The following COMMD10 variants were observed in gnomAD, a reference collection of about 807,000 sequenced individuals.
The protein encoded by COMMD10 is COMM domain containing 10, also known as COMM domain-containing protein 10.
COMMD10 carries 33 observed loss-of-function variants against 28.9 expected under a neutral mutation model. The ratio of observed to expected loss-of-function variants is 1.14; its 90% confidence interval spans 0.87 to 1.53. The LOEUF (loss-of-function observed/expected upper bound fraction) is 1.53. Among genes scored for constraint, COMMD10 ranks in the 40% most tolerant of loss-of-function variants. The probability of loss-of-function intolerance (pLI) is 0.00; values close to 1 mark genes in which losing one functional copy is unlikely to be tolerated. For missense variants in COMMD10, 310 were observed against 233.4 expected (o/e 1.33, Z -2.14); for synonymous variants, 110 against 81.7 (o/e 1.35, Z -1.87).
chr5:116,208,992 T>C (rs1205791238), intron 5 of COMMD10, among the ~76,000 whole-genome samples: 3 of 152,154 alleles, frequency 2.0e-5, no homozygotes, highest in African/African-American at 7.2e-5. Flanking sequence ...TTACTTTTGT[T>C]TTTTATTTGC....
intron 5 of COMMD10, among the ~76,000 whole-genome samples, chr5:116,263,844 A>G (rs1750514654): frequency 1.3e-5 from 2 of 151,698 alleles, no homozygotes; most frequent in Admixed American, 6.6e-5. Context: ...CTCCCTAAAA[A>G]TATATAAAAC....
At chr5:116,215,237 AGAAAT>A (rs1189966941) in intron 5 of COMMD10, among the ~76,000 whole-genome samples, 1 of 152,074 alleles carries the variant, frequency 6.6e-6, no homozygotes, top group South Asian at 2.1e-4. Context: ...TATAAGAAAA[AGAAAT>A]GAATAGTTGT....
At chr5:116,192,268 C>T (rs1410790413) in intron 5 of COMMD10, among the ~76,000 whole-genome samples, 1 of 150,572 alleles carries the variant, frequency 6.6e-6, no homozygotes, top group African/African-American at 2.4e-5. Flanking sequence ...AACAACCCCC[C>T]CCCCCAAAAA....
At chr5:116,108,074 G>A (rs1239087855) in intron 4 of COMMD10, among the ~76,000 whole-genome samples, 2 of 152,194 alleles carry the variant, frequency 1.3e-5, no homozygotes, top group African/African-American at 4.8e-5. Context: ...CCCACAAGAT[G>A]CCAGCCCCAG....
chr5:116,202,658 G>A (rs1381957804), intron 5 of COMMD10, among the ~76,000 whole-genome samples: 14 of 151,938 alleles, frequency 9.2e-5, no homozygotes, highest in African/African-American at 3.2e-4. Flanking sequence ...ATTTTTTCAT[G>A]TGTCTTTTGG....
intron 2 of COMMD10, among the ~76,000 whole-genome samples, chr5:116,089,656 G>A (rs535419388): frequency 6.6e-6 from 1 of 152,302 alleles, no homozygotes; most frequent in Admixed American, 6.5e-5. Context: ...TTCCATGGAG[G>A]AGCTTGAATG....
chr5:116,217,000 G>C (rs1561671769), intron 5 of COMMD10, among the ~76,000 whole-genome samples: 1 of 151,908 alleles, frequency 6.6e-6, no homozygotes. Flanking sequence ...TTTTAAATAG[G>C]TCATTTTGAA....
chr5:116,202,517 T>C (rs1296194218), intron 5 of COMMD10, among the ~76,000 whole-genome samples: 1 of 150,688 alleles, frequency 6.6e-6, no homozygotes, highest in African/African-American at 2.4e-5. Flanking sequence ...GTAAAAGTGT[T>C]CCTATTTCTC....
At chr5:116,233,118 C>T (rs978989699) in intron 5 of COMMD10, among the ~76,000 whole-genome samples, 14 of 152,100 alleles carry the variant, frequency 9.2e-5, no homozygotes. Context: ...AATATTCCCC[C>T]ACTTATTTTT....
chr5:116,205,968 G>GT (rs58170916), intron 5 of COMMD10, among the ~76,000 whole-genome samples: 15,818 of 152,036 alleles, frequency 0.1, 888 homozygotes, highest in East Asian at 0.13. Flanking sequence ...TAGTTTACAT[G>GT]TATCATTTGT....
intron 4 of COMMD10, among the ~76,000 whole-genome samples, chr5:116,093,116 G>C (rs944210424): frequency 6.6e-6 from 1 of 152,148 alleles, no homozygotes; most frequent in African/African-American, 2.4e-5. Flanking sequence ...CCTGACTTAA[G>C]TTTAGATTTT....
In COMMD10 at chr5:116,223,206, G is replaced by T. The variant is rs142642226; in HGVS notation, c.511-68311G>T. Among the ~76,000 whole-genome samples the T allele has an allele frequency of 7.5e-3, 1,116 of 149,012 alleles. 21 individuals are homozygous for T. The highest frequency in any genetic ancestry group is 0.026 in the African/African-American group (1,069 of 40,674). The stretch of plus-strand genomic sequence containing the variant: ...TATTTTCTATATTGGATTTTTTTTT[G>T]AAAAAAAGGAGATAGGATAAAATGT... On this transcript the variant is annotated intron_variant, in intron 5 of 6. Coordinates refer to ENST00000274458, the MANE Select transcript of COMMD10 (RefSeq NM_016144.4).
chr5:116,212,079 G>A (rs1164844119), intron 5 of COMMD10, among the ~76,000 whole-genome samples: 2 of 152,104 alleles, frequency 1.3e-5, no homozygotes, highest in African/African-American at 2.4e-5. Flanking sequence ...ATTACCATCT[G>A]TATTTTAATT....
chr5:116,237,620 G>C (rs192924242), intron 5 of COMMD10, among the ~76,000 whole-genome samples: 1 of 152,180 alleles, frequency 6.6e-6, no homozygotes, highest in East Asian at 1.9e-4. Context: ...GGCTAGCCTG[G>C]GCAACGTATT....
intron 5 of COMMD10, among the ~76,000 whole-genome samples, chr5:116,202,963 T>C (rs1021631027): frequency 1.3e-5 from 2 of 152,036 alleles, no homozygotes; most frequent in African/African-American, 4.8e-5. Flanking sequence ...GCCTTGCCCA[T>C]GCCTATGTCC....
chr5:116,160,271 G>A (rs1752872910), intron 5 of COMMD10, among the ~76,000 whole-genome samples: 1 of 152,110 alleles, frequency 6.6e-6, no homozygotes, highest in Admixed American at 6.6e-5. Flanking sequence ...CTGTTTTGAG[G>A]ACAAACTATG....
intron 5 of COMMD10, among the ~76,000 whole-genome samples, chr5:116,195,714 T>A (rs1277479976): frequency 1.3e-5 from 2 of 152,240 alleles, no homozygotes; most frequent in African/African-American, 4.8e-5. Context: ...AGAATCAGTA[T>A]TGTTTAATAT....
At chr5:116,147,685 G>A (rs1243563050) in intron 5 of COMMD10, among the ~76,000 whole-genome samples, 4 of 151,760 alleles carry the variant, frequency 2.6e-5, no homozygotes, top group Non-Finnish European at 4.4e-5. Flanking sequence ...TGAATGTGTA[G>A]AAAGAAATTC....
At chr5:116,108,526 C>T (rs942264155) in intron 4 of COMMD10, among the ~76,000 whole-genome samples, 15 of 152,222 alleles carry the variant, frequency 9.9e-5, no homozygotes, top group Admixed American at 3.9e-4. Context: ...TCAGCAATGG[C>T]GGACGCCTGT....
Sources: allele counts gnomAD v4.1 joint callset (sites outside exome capture counted in the v4.1 genomes callset), GRCh38; gene constraint gnomAD v4.1.1; transcripts MANE v1.5; gene names NCBI Gene and HGNC (gene_info 2026-07-23, HGNC 2026-07-21).